The following KLHL23 variants were observed in gnomAD, a reference collection of about 807,000 sequenced individuals.
KLHL23 encodes the protein kelch-like protein 23.
In KLHL23, 33 loss-of-function variants were observed where a neutral mutation model predicts 48.9. The observed-to-expected ratio is 0.67, with a 90% CI of 0.51 to 0.90. The LOEUF (loss-of-function observed/expected upper bound fraction) is 0.90. Among genes scored for constraint, KLHL23 ranks in the 40% least tolerant of loss-of-function variants. The pLI is 0.00. For missense variants in KLHL23, 608 were observed against 669.6 expected (o/e 0.91, Z 1.02); for synonymous variants, 234 against 231.6 (o/e 1.01, Z -0.09).
At chr2:169,741,363 T>A (rs1474694529) in intron 2 of KLHL23, 22 bp from the exon 3 acceptor site, 22 of 1,587,360 alleles carry the variant, frequency 1.4e-5, no homozygotes, top group Non-Finnish European at 1.9e-5. Flanking sequence ...AATCTAAAGA[T>A]GTGATTTTAA....
intron 1 of KLHL23, among the ~76,000 whole-genome samples, chr2:169,734,730 G>T (rs568854548): frequency 9.9e-4 from 150 of 152,210 alleles, no homozygotes; most frequent in Non-Finnish European, 1.8e-3. Context: ...ATCTCCGAAC[G>T]CCAGGCCAGG....
Position 169,751,569 on chromosome 2 carries a change from CAAAAATTG to C in KLHL23, c.*1838_*1845del, listed in dbSNP as rs1558953677. ...TTTATGTCTGCATTCTTTATAATAACAAAAATTGGGGAAAAAAACTCCATGTCAAGAAA... is the reference window on the plus strand; with the variant it reads ...TTTATGTCTGCATTCTTTATAATAACGGGAAAAAAACTCCATGTCAAGAAA... On this transcript the variant is annotated 3_prime_UTR_variant, in exon 4 of 4. Coordinates refer to ENST00000392647, the MANE Select transcript of KLHL23 (RefSeq NM_144711.6). The C allele has an allele frequency of 1.3e-5, 2 of 151,798 alleles. No homozygotes were observed. Among genetic ancestry groups the C allele is most frequent in the Non-Finnish European group, 2.9e-5 (2 of 67,962 alleles). 9.4% of individuals were successfully genotyped at this position (151,798 alleles called of 1,614,324 possible).
chr2:169,751,018 C>T lies in KLHL23; in HGVS notation c.*1286C>T, dbSNP rs1222198025. Reference sequence around the variant, plus strand: ...TTTTGTGACTTAAGTCATTTAACCTCTCCTTGATTAGAGCTTCCTGAGCCA... The same window carrying T: ...TTTTGTGACTTAAGTCATTTAACCTTTCCTTGATTAGAGCTTCCTGAGCCA... On this transcript the variant is annotated 3_prime_UTR_variant, in exon 4 of 4. Transcript: ENST00000392647. The T allele has an allele frequency of 6.6e-6, 1 of 152,204 alleles. No homozygotes were observed. The highest frequency in any genetic ancestry group is 1.9e-4 in the East Asian group (1 of 5,192). The allele number at this position is 152,204 out of a possible 1,614,324, so 9.4% of individuals were successfully genotyped here.
At chr2:169,739,813 C>T (rs1688630903) in intron 2 of KLHL23, among the ~76,000 whole-genome samples, 1 of 152,172 alleles carries the variant, frequency 6.6e-6, no homozygotes, top group South Asian at 2.1e-4. Context: ...CTATACCATA[C>T]TAATTCTACA....
intron 1 of KLHL23, among the ~76,000 whole-genome samples, chr2:169,734,470 G>A (rs1215850845): frequency 6.6e-6 from 1 of 151,852 alleles, no homozygotes; most frequent in Non-Finnish European, 1.5e-5. Flanking sequence ...GAGGGGGCGA[G>A]GGCTGCAAGG....
At chr2:169,734,611 GGGA>G (rs1338210976) in intron 1 of KLHL23, among the ~76,000 whole-genome samples, 1 of 152,186 alleles carries the variant, frequency 6.6e-6, no homozygotes. Context: ...TGATTTGAAA[GGGA>G]GACGAGCTTG....
intron 3 of KLHL23, among the ~76,000 whole-genome samples, chr2:169,743,913 A>C (rs1241490570): frequency 2.6e-5 from 4 of 152,256 alleles, no homozygotes; most frequent in Non-Finnish European, 4.4e-5. Flanking sequence ...CTGAGGAATT[A>C]AAATGTCATC....
Position 169,750,058 on chromosome 2 carries a change from ATG to A in KLHL23, c.*328_*329del, listed in dbSNP as rs67414347. The A allele has an allele frequency of 8.4e-4, 63 of 74,896 alleles. 7 individuals carry two copies. Among genetic ancestry groups the A allele is most frequent in the African/African-American group, 1.7e-3 (44 of 25,164 alleles). The allele number at this position is 74,896 out of a possible 1,614,324, so 4.6% of individuals were successfully genotyped here. On this transcript the variant is annotated 3_prime_UTR_variant, in exon 4 of 4. Coordinates refer to ENST00000392647, the MANE Select transcript of KLHL23 (RefSeq NM_144711.6). ...GTGTATATATAGTATGTATGTATAC[ATG>A]TATGTGTATATATACGTATGTATGT...
intron 2 of KLHL23, among the ~76,000 whole-genome samples, chr2:169,738,176 T>TA (rs1200115948): frequency 2.6e-5 from 4 of 152,164 alleles, no homozygotes; most frequent in Non-Finnish European, 4.4e-5. Context: ...CAGGGAGAGG[T>TA]AACACTGCCA....
At chr2:169,734,489 G>C (rs1416027534) in intron 1 of KLHL23, among the ~76,000 whole-genome samples, 1 of 152,010 alleles carries the variant, frequency 6.6e-6, no homozygotes, top group African/African-American at 2.4e-5. Context: ...GGGCTGCGCC[G>C]AGCTGCCTTC....
rs780928389 is a variant in KLHL23 at position 169,741,572 on chromosome 2, T to G, written c.1366+35T>G. ...ATACTGTCTCAAATAGTGTATGTTG[T>G]GATGTAGTTTAGTAGCATAAAGGAT... On this transcript the variant is annotated intron_variant, in intron 3 of 3. Transcript: ENST00000392647. 3.8e-6 allele frequency: 6 copies of G among 1,576,150 alleles called. No homozygotes were observed. The South Asian group carries it at 7.0e-5, about 19-fold the overall frequency.
chr2:169,744,421 T>G (rs1020728855), intron 3 of KLHL23, among the ~76,000 whole-genome samples: 3 of 152,026 alleles, frequency 2.0e-5, no homozygotes, highest in Non-Finnish European at 4.4e-5. Context: ...TGGAGGAAGG[T>G]GGAAAGGAAA....
intron 2 of KLHL23, among the ~76,000 whole-genome samples, chr2:169,740,480 G>T (rs1688647038): frequency 1.4e-5 from 2 of 143,552 alleles, no homozygotes; most frequent in Admixed American, 7.1e-5. Flanking sequence ...ACGGAGTCTC[G>T]CTCTGTCACC....
At chr2:169,740,540 C>A (rs1037270932) in intron 2 of KLHL23, among the ~76,000 whole-genome samples, 1 of 151,046 alleles carries the variant, frequency 6.6e-6, no homozygotes, top group Admixed American at 6.6e-5. Context: ...GCTCAGTCTC[C>A]TGGGTTCACG....
chr2:169,749,634 A>T lies in KLHL23; in HGVS notation c.1579A>T (p.Ile527Phe). ...CTCAAAGGGAACGTATCTTCAGAGC[A>T]TTGAGAAATATGATCCAGATCTTAA... is the stretch of plus-strand genomic sequence containing the variant. ...SYSKGTYLQS[I>F]EKYDPDLNKW... Residue 527 changes from isoleucine to phenylalanine, a missense_variant, in exon 4 of 4, where the codon ATT becomes TTT. Coordinates refer to ENST00000392647, the MANE Select transcript of KLHL23 (RefSeq NM_144711.6). The T allele has an allele frequency of 6.2e-7, 1 of 1,614,144 alleles. No homozygotes were observed. The highest frequency in any genetic ancestry group is 8.5e-7 in the Non-Finnish European group (1 of 1,180,028).
chr2:169,750,108 A>ATGTGTATATATACGTGTG lies in KLHL23; in HGVS notation c.*377_*378insGTGTATATATACGTGTGT, dbSNP rs1558952724. The ATGTGTATATATACGTGTG allele has an allele frequency of 6.6e-5, 1 of 15,224 alleles. No individual in the cohort carries two copies. The highest frequency in any genetic ancestry group is 1.3e-4 in the Non-Finnish European group (1 of 7,554). 0.9% of individuals were successfully genotyped at this position (15,224 alleles called of 1,614,324 possible). A position where few individuals can be genotyped will look rare whatever the true frequency, so the allele number is the denominator to read the frequency against. On this transcript the variant is annotated 3_prime_UTR_variant, in exon 4 of 4. Coordinates refer to ENST00000392647, the MANE Select transcript of KLHL23 (RefSeq NM_144711.6). ...TGTATACATATATGTGTATACATAT[A>ATGTGTATATATACGTGTG]TATGTGTGTATATATATACACATAT... is the stretch of plus-strand genomic sequence containing the variant.
intron 3 of KLHL23, among the ~76,000 whole-genome samples, chr2:169,748,015 T>C (rs1156794839): frequency 6.6e-6 from 1 of 152,162 alleles, no homozygotes; most frequent in African/African-American, 2.4e-5. Context: ...TCCCAGCTTC[T>C]TGAGAGGCTG....
At position 169,735,277 on chromosome 2, in the gene KLHL23, T is replaced by C; in HGVS notation, c.263T>C (p.Leu88Pro). The change falls in exon 2 of 4, where the codon CTG becomes CCG. Residue 88 changes from leucine (L) to proline (P), a missense_variant. This residue lies in a region of KLHL23 where 419 missense variants were observed against 473.1 expected (regional missense o/e 0.89). Coordinates refer to ENST00000392647, the MANE Select transcript of KLHL23 (RefSeq NM_144711.6). The surrounding 1 kb of genome is among the most constrained non-coding windows in gnomAD (Gnocchi z 4.5). The stretch of plus-strand genomic sequence containing the variant: ...CTCTCTGGCATCCACCATGATATTC[T>C]GGAAGGCCTTGTAAATTATGCATAC... ...IKLSGIHHDI[L>P]EGLVNYAYTS... is the part of the protein sequence containing the mutation. 2 of 1,612,252 alleles carry C rather than the reference T, an allele frequency of 1.2e-6. No individual in the cohort carries two copies. The highest frequency in any genetic ancestry group is 1.7e-6 in the Non-Finnish European group (2 of 1,179,666).
chr2:169,749,080 T>C (rs762840792), intron 3 of KLHL23, among the ~76,000 whole-genome samples: 7 of 152,218 alleles, frequency 4.6e-5, no homozygotes, highest in African/African-American at 7.2e-5. Flanking sequence ...AGGATTCTAC[T>C]GCTACCATCT....
Sources: allele counts gnomAD v4.1 joint callset (sites outside exome capture counted in the v4.1 genomes callset), GRCh38; gene constraint gnomAD v4.1.1; regional missense constraint gnomAD v4.1.1; non-coding constraint Gnocchi (gnomAD v3.1); transcripts MANE v1.5; gene names NCBI Gene and HGNC (gene_info 2026-07-23, HGNC 2026-07-21).